Variants in CNTN4 observed in about 807,000 individuals in gnomAD.
CNTN4 encodes contactin-4.
Under a neutral mutation model 122.5 loss-of-function variants are expected in CNTN4, and 77 were observed. That is an observed-to-expected ratio of 0.63 (90% confidence interval 0.52 to 0.76). The LOEUF is 0.76. Among genes scored for constraint, CNTN4 ranks in the 30% least tolerant of loss-of-function variants. The probability of loss-of-function intolerance (pLI) is 0.00; values close to 1 mark genes in which losing one functional copy is unlikely to be tolerated. For missense variants in CNTN4, 1,256 were observed against 1,259.1 expected, an observed-to-expected ratio of 1.00 and a Z score of 0.04; for synonymous variants, 512 against 447.0, an observed-to-expected ratio of 1.15 and a Z score of -1.83.
chr3:2,866,195 G>C (rs2093722373), intron 7 of CNTN4, among the ~76,000 whole-genome samples: 1 of 152,136 alleles, frequency 6.6e-6, no homozygotes. Flanking sequence ...TTTCTAACTA[G>C]AGCTAAGAAT....
At chr3:2,522,843 G>A (rs139877625) in intron 3 of CNTN4, among the ~76,000 whole-genome samples, 3 of 152,100 alleles carry the variant, frequency 2.0e-5, no homozygotes, top group Non-Finnish European at 4.4e-5. Context: ...ATTCTTTCTT[G>A]AGTGTCTTTT....
intron 3 of CNTN4, among the ~76,000 whole-genome samples, chr3:2,472,983 C>T (rs2075729758): frequency 6.6e-6 from 1 of 152,048 alleles, no homozygotes; most frequent in African/African-American, 2.4e-5. Flanking sequence ...CCTGTAATCC[C>T]AGTACTTTGG....
intron 12 of CNTN4, among the ~76,000 whole-genome samples, chr3:2,905,074 C>T (rs2094214769): frequency 6.6e-6 from 1 of 152,052 alleles, no homozygotes; most frequent in Non-Finnish European, 1.5e-5. Context: ...CTCTGCACAG[C>T]CCTCCCCTCT....
chr3:3,026,674 T>C (rs1698750761), intron 15 of CNTN4, among the ~76,000 whole-genome samples: 1 of 152,188 alleles, frequency 6.6e-6, no homozygotes, highest in South Asian at 2.1e-4. Context: ...GATAGTTTCC[T>C]TCTGTTTTTA....
chr3:3,024,821 A>G (rs937685611), intron 14 of CNTN4, among the ~76,000 whole-genome samples: 36 of 152,346 alleles, frequency 2.4e-4, no homozygotes, highest in African/African-American at 8.2e-4. Flanking sequence ...CCTGTCAGAT[A>G]TAATTACAAA....
chr3:2,604,297 C>A (rs2081169640), intron 4 of CNTN4, among the ~76,000 whole-genome samples: 1 of 152,002 alleles, frequency 6.6e-6, no homozygotes, highest in South Asian at 2.1e-4. Flanking sequence ...TTCCTGTGAC[C>A]CTCCTCTGAA....
At position 3,031,034 on chromosome 3, in the gene CNTN4, G is replaced by A. The variant is rs572619430; in HGVS notation, c.1783+59G>A. On this transcript the variant is annotated intron_variant, in intron 16 of 24. Coordinates refer to ENST00000418658, the MANE Select transcript of CNTN4 (RefSeq NM_175607.3). ...ATATTTTCATGATATCTACTGTAGC[G>A]CAGAGTTCCAGAAACCTCAGTGGTT... 2.1e-5 allele frequency: 33 copies of A among 1,607,094 alleles called. No homozygotes were observed. The African/African-American group carries it at 2.8e-4, about 14-fold the overall frequency.
At chr3:2,158,955 A>G (rs2035838261) in intron 2 of CNTN4, among the ~76,000 whole-genome samples, 1 of 152,200 alleles carries the variant, frequency 6.6e-6, no homozygotes, top group South Asian at 2.1e-4. Flanking sequence ...TAGACAGGAC[A>G]TACCTGTGAG....
chr3:2,325,009 T>C (rs987864016), intron 2 of CNTN4, among the ~76,000 whole-genome samples: 57 of 152,348 alleles, frequency 3.7e-4, no homozygotes, highest in African/African-American at 1.3e-3. Context: ...TCTCTTATAG[T>C]AGTTCTCAAA....
intron 7 of CNTN4, among the ~76,000 whole-genome samples, chr3:2,837,986 A>G (rs1559561294): frequency 6.6e-6 from 1 of 152,262 alleles, no homozygotes; most frequent in Non-Finnish European, 1.5e-5. Flanking sequence ...CTAGCATTCC[A>G]GATAGCTCAT....
chr3:2,435,222 A>C (rs1471534593), intron 3 of CNTN4, among the ~76,000 whole-genome samples: 1 of 152,170 alleles, frequency 6.6e-6, no homozygotes, highest in Non-Finnish European at 1.5e-5. Flanking sequence ...GTCATCCCTC[A>C]GTGTCTGCGA....
chr3:2,854,268 C>CTTTTTTTTTTTTTTTTTTTTTTTT (rs56147510), intron 7 of CNTN4, among the ~76,000 whole-genome samples: 1 of 90,050 alleles, frequency 1.1e-5, no homozygotes. Context: ...CTTTCTTCTT[C>CTTTTTTTTTTTTTTTTTTTTTTTT]TTTTTTTTTT....
rs565879401 is a variant in CNTN4, at chr3:2,380,283, A to G, written c.-89+41050A>G. ...ATATTGGCAGCGTATCTCAGCCTCA[A>G]TGGTAACATTAGGGTTTGCATCTCT... On this transcript the variant is annotated intron_variant, in intron 3 of 24. Coordinates refer to ENST00000418658, the MANE Select transcript of CNTN4 (RefSeq NM_175607.3). Among the ~76,000 whole-genome samples the G allele has an allele frequency of 4.0e-5, 6 of 149,172 alleles. No homozygotes were observed. In the South Asian group the frequency reaches 1.1e-3, roughly 26 times the overall value.
intron 3 of CNTN4, among the ~76,000 whole-genome samples, chr3:2,402,868 T>G (rs1435381489): frequency 6.6e-6 from 1 of 152,172 alleles, no homozygotes; most frequent in East Asian, 1.9e-4. Flanking sequence ...GCAGTACAAA[T>G]TGCTGTGATT....
At chr3:2,485,081 C>T (rs1325460592) in intron 3 of CNTN4, among the ~76,000 whole-genome samples, 1 of 152,232 alleles carries the variant, frequency 6.6e-6, no homozygotes, top group Non-Finnish European at 1.5e-5. Flanking sequence ...GCGCCGGGTC[C>T]CCCAGCAGTG....
intron 7 of CNTN4, among the ~76,000 whole-genome samples, chr3:2,855,186 G>A (rs1361727677): frequency 2.0e-5 from 3 of 152,172 alleles, no homozygotes; most frequent in Non-Finnish European, 4.4e-5. Flanking sequence ...CTCAACCACA[G>A]GCCTGGCACA....
intron 7 of CNTN4, among the ~76,000 whole-genome samples, chr3:2,827,885 G>A (rs2093020859): frequency 6.6e-6 from 1 of 152,088 alleles, no homozygotes; most frequent in Admixed American, 6.5e-5. Flanking sequence ...GAAGAATGTT[G>A]TCTTAAACAT....
At chr3:2,099,998 C>T (rs2031776457) in intron 1 of CNTN4, among the ~76,000 whole-genome samples, 1 of 152,232 alleles carries the variant, frequency 6.6e-6, no homozygotes, top group East Asian at 1.9e-4. Context: ...CAGCGAAGCT[C>T]CTGCGAGGAG....
chr3:2,867,034 C>A lies in CNTN4; in HGVS notation c.652+85C>A, dbSNP rs556668862. The A allele has an allele frequency of 6.1e-5, 73 of 1,193,936 alleles. No homozygotes were observed. The African/African-American group carries it at 1.0e-3, about 17-fold the overall frequency. The allele number at this position is 1,193,936 out of a possible 1,614,324, so 74.0% of individuals were successfully genotyped here. On this transcript the variant is annotated intron_variant, in intron 8 of 24. Coordinates refer to ENST00000418658, the MANE Select transcript of CNTN4 (RefSeq NM_175607.3). ...TATGTTATGTTGTTGGCACATGAAG[C>A]TTTGTTGTCTAAATTAAATGTAAGA...
Sources: allele counts gnomAD v4.1 joint callset (sites outside exome capture counted in the v4.1 genomes callset), GRCh38; gene constraint gnomAD v4.1.1; transcripts MANE v1.5; gene names NCBI Gene and HGNC (gene_info 2026-07-23, HGNC 2026-07-21).